MYO15B: variants seen among roughly 807,000 people sequenced by gnomAD.
The protein encoded by MYO15B is myosin XVB.
MYO15B carries 207 observed loss-of-function variants against 119.3 expected under a neutral mutation model. That is an observed-to-expected ratio of 1.73 (90% CI 1.55 to 1.95). MYO15B has a LOEUF of 1.95. MYO15B is among the 30% of genes most tolerant of loss of function. MYO15B has a pLI of 0.00. For missense variants in MYO15B, 2,264 were observed against 1,203.1 expected (o/e 1.88, Z -13.04); for synonymous variants, 966 against 498.9 (o/e 1.94, Z -12.48).
At chr17:75,626,159 G>C (rs1568245127) in exon 63 of MYO15B, 1 of 703,068 alleles carries the variant, frequency 1.4e-6, no homozygotes, top group Admixed American at 2.0e-5. Context: ...AGGAGAAGGG[G>C]CCCCCTGGCC....
At chr17:75,601,155 G>A (rs942222675) in intron 14 of MYO15B, among the ~76,000 whole-genome samples, 2 of 148,916 alleles carry the variant, frequency 1.3e-5, no homozygotes, top group East Asian at 4.0e-4. Flanking sequence ...TGCCTGTCTC[G>A]GCCTCCCAAA....
chr17:75,619,462 T>A (rs1426519380), exon 45 of MYO15B: 3 of 702,504 alleles, frequency 4.3e-6, no homozygotes, highest in Non-Finnish European at 7.8e-6. Context: ...CTTCTCCCGC[T>A]TCTTTCCTGT....
At chr17:75,596,660 G>A in intron 13 of MYO15B, 105 bp downstream of exon 13, 1 of 678,024 alleles carries the variant, frequency 1.5e-6, no homozygotes, top group Admixed American at 2.1e-5. Context: ...TGCCTGGAAG[G>A]CCCCTTTCCA....
rs375749634 is a variant in MYO15B at position 75,607,757 on chromosome 17, G to A, written c.4292+1736G>A. ...ATTACAGGCGTGAGCCACTGCACCC[G>A]GCCTGTTCTAGTCTGTTTACAAATC... On this transcript the variant is annotated intron_variant, in intron 21 of 63. Transcript: ENST00000645453. Among the ~76,000 whole-genome samples the A allele has an allele frequency of 9.2e-5, 14 of 152,024 alleles. 1 individual carries two copies. The highest frequency in any genetic ancestry group is 4.1e-4 in the South Asian group (2 of 4,822).
At chr17:75,615,865 C>T in exon 36 of MYO15B, 1 of 694,214 alleles carries the variant, frequency 1.4e-6, no homozygotes, top group Non-Finnish European at 2.6e-6. Flanking sequence ...GACCTGGGAT[C>T]AGAGGGTGGC....
At chr17:75,624,137 C>T (rs2058874720) in intron 55 of MYO15B, 38 bp from the exon 56 acceptor site, 1 of 702,658 alleles carries the variant, frequency 1.4e-6, no homozygotes, top group Non-Finnish European at 2.6e-6. Context: ...CTTGGGGAGA[C>T]ATGGCCATCT....
At chr17:75,616,401 GAGGAGGAGGAGGAGC>G (rs1030177465) in exon 38 of MYO15B, 11 of 623,738 alleles carry the variant, frequency 1.8e-5, no homozygotes, top group African/African-American at 1.7e-4. Context: ...GGAGGAGGAG[GAGGAGGAGGAGGAGC>G]AGGAGGAGCA....
chr17:75,624,893 T>C, exon 59 of MYO15B: 2 of 702,984 alleles, frequency 2.8e-6, no homozygotes. Flanking sequence ...TAACTCCACC[T>C]ACATCAGCAC....
At chr17:75,607,029 C>T (rs578032604) in intron 21 of MYO15B, 45 of 398,274 alleles carry the variant, frequency 1.1e-4, no homozygotes, top group Non-Finnish European at 1.6e-4. Context: ...ATGCCAGAGA[C>T]GGGGCCTCCC....
intron 58 of MYO15B, 49 bp downstream of exon 58, chr17:75,624,688 G>A: frequency 1.4e-6 from 1 of 702,950 alleles, no homozygotes; most frequent in Non-Finnish European, 2.6e-6. Context: ...CCTGCCCAGG[G>A]GTGAGGTGGT....
In MYO15B at chr17:75,613,050, G is replaced by T. The variant is rs543896202; in HGVS notation, c.4808G>T (p.Gly1603Val). 6.0e-5 allele frequency: 42 copies of T among 701,316 alleles called. No individual in the cohort carries two copies. In the East Asian group the frequency reaches 1.1e-3, roughly 18 times the overall value. 43.4% of individuals were successfully genotyped at this position (701,316 alleles called of 1,614,324 possible). The change falls in exon 27 of 64, where the codon GGG becomes GTG. Residue 1603 changes from glycine to valine, a missense_variant. By Grantham distance (109) the Gly-to-Val change is moderately radical (BLOSUM62 -3). Coordinates refer to ENST00000645453, the Ensembl canonical transcript of MYO15B. Reference sequence around the variant, plus strand: ...ATGGGCGCATACCTGGTGCGGCAGGGGCAGTGCCGGCCAGGGCTGCGGAAT... The same window carrying T: ...ATGGGCGCATACCTGGTGCGGCAGGTGCAGTGCCGGCCAGGGCTGCGGAAT...
intron 9 of MYO15B, among the ~76,000 whole-genome samples, chr17:75,593,627 A>C (rs1314985283): frequency 6.9e-6 from 1 of 144,484 alleles, no homozygotes; most frequent in African/African-American, 2.8e-5. Context: ...AAAAAAAAAA[A>C]AAACAAAACA....
chr17:75,595,084 G>C, intron 12 of MYO15B, 112 bp downstream of exon 12: 1 of 634,054 alleles, frequency 1.6e-6, no homozygotes, highest in Non-Finnish European at 2.8e-6. Context: ...GTGCTTGTCT[G>C]TCTGGCAGGG....
chr17:75,614,155 T>G (rs2058211685), intron 29 of MYO15B, 44 bp from the exon 30 acceptor site: 2 of 695,624 alleles, frequency 2.9e-6, no homozygotes, highest in Non-Finnish European at 5.3e-6. Context: ...CTTGCCCCCT[T>G]CTGGATGGCC....
chr17:75,594,563 AG>A lies in MYO15B; in HGVS notation c.3085del (p.Ala1029LeufsTer43), dbSNP rs2056724300. The stretch of plus-strand genomic sequence containing the variant: ...CTGCGGGTACCACCAGAGTGCCTGG[AG>A]GGGGCTGTCACCAGGAGGGTCACGG... On this transcript the variant is annotated frameshift_variant, in exon 10 of 64. Transcript: ENST00000645453. LOFTEE classifies it high-confidence loss of function. 1 of 653,598 alleles carries A rather than the reference AG, an allele frequency of 1.5e-6. No individual in the cohort carries two copies. The highest frequency in any genetic ancestry group is 2.4e-4 in the Middle Eastern group (1 of 4,120). The allele number at this position is 653,598 out of a possible 1,614,324, so 40.5% of individuals were successfully genotyped here. A position where few individuals can be genotyped will look rare whatever the true frequency, so the allele number is the denominator to read the frequency against.
In MYO15B at chr17:75,605,538, C is replaced by G. The variant is rs1007628699; in HGVS notation, c.4051C>G (p.Leu1351Val). The change falls in exon 20 of 64, where the codon CTC becomes GTC. Residue 1351 changes from leucine (L) to valine (V), a missense_variant. Leu to Val is a conservative substitution (Grantham distance 32). Transcript: ENST00000645453. ...CCTGGGGTCAGAAGGGCAGGAAGAC[C>G]TCTCTGACCGGGAGAAGTGTGGTGC... 6 of 702,834 alleles carry G rather than the reference C, an allele frequency of 8.5e-6. No individual in the cohort carries two copies. The South Asian group carries it at 8.9e-5, about 10-fold the overall frequency. The allele number at this position is 702,834 out of a possible 1,614,324, so 43.5% of individuals were successfully genotyped here.
intron 29 of MYO15B, 34 bp from the exon 30 acceptor site, chr17:75,614,165 C>T (rs1174337727): frequency 1.1e-5 from 8 of 698,502 alleles, no homozygotes; most frequent in South Asian, 3.0e-5. Flanking sequence ...TCTGGATGGC[C>T]GCCTGCCTCA....
At chr17:75,600,345 G>C (rs1362540105) in intron 14 of MYO15B, among the ~76,000 whole-genome samples, 1 of 150,706 alleles carries the variant, frequency 6.6e-6, no homozygotes, top group Non-Finnish European at 1.5e-5. Flanking sequence ...ATCTTTGAAA[G>C]ACCTGTTTAA....
chr17:75,617,972 G>A (rs2058481361), intron 42 of MYO15B, 50 bp downstream of exon 42: 1 of 696,764 alleles, frequency 1.4e-6, no homozygotes, highest in Non-Finnish European at 2.6e-6. Context: ...CTGGCAGGGA[G>A]GCGGCAGGCT....
Sources: allele counts gnomAD v4.1 joint callset (sites outside exome capture counted in the v4.1 genomes callset), GRCh38; gene constraint gnomAD v4.1.1; transcripts MANE v1.5; gene names NCBI Gene and HGNC (gene_info 2026-07-23, HGNC 2026-07-21).